PRKCB: variants seen among roughly 807,000 people sequenced by gnomAD.
PRKCB encodes protein kinase C beta type.
A neutral mutation model predicts 81.5 loss-of-function variants in PRKCB; 13 were observed. That is an observed-to-expected ratio of 0.16 (90% CI 0.10 to 0.25). The LOEUF is 0.25. Among genes scored for constraint, PRKCB ranks in the 10% least tolerant of loss-of-function variants. The pLI, the probability that PRKCB is intolerant of heterozygous loss-of-function variation, is 1.00. For synonymous variants in PRKCB, 335 were observed against 321.4 expected, an observed-to-expected ratio of 1.04 and a Z score of -0.45; for missense variants, 509 against 875.7, an observed-to-expected ratio of 0.58 and a Z score of 5.29.
At chr16:23,936,520 C>T (rs190366947) in intron 2 of PRKCB, among the ~76,000 whole-genome samples, 3 of 151,908 alleles carry the variant, frequency 2.0e-5, no homozygotes, top group Non-Finnish European at 4.4e-5. Context: ...TTGAGTGATC[C>T]TCCCACCTCA....
intron 2 of PRKCB, among the ~76,000 whole-genome samples, chr16:23,846,081 G>C (rs1962362148): frequency 6.6e-6 from 1 of 152,174 alleles, no homozygotes. Flanking sequence ...GGCTTAGGCA[G>C]TATTTTCTCT....
chr16:24,188,144 G>T (rs1053405239), intron 15 of PRKCB, among the ~76,000 whole-genome samples: 3 of 152,152 alleles, frequency 2.0e-5, no homozygotes, highest in African/African-American at 7.2e-5. Context: ...TGGTAGAGCC[G>T]TTTTCTATTA....
chr16:23,921,807 A>T (rs1359355193), intron 2 of PRKCB, among the ~76,000 whole-genome samples: 1 of 152,164 alleles, frequency 6.6e-6, no homozygotes, highest in Admixed American at 6.5e-5. Flanking sequence ...AATAAATAAA[A>T]AAAGATATGC....
intron 11 of PRKCB, chr16:24,174,291 G>T: frequency 2.0e-6 from 1 of 508,798 alleles, no homozygotes; most frequent in Admixed American, 3.3e-5. Flanking sequence ...CTATACAATT[G>T]CTGAACTTCT....
At chr16:23,837,306 T>C (rs1962180549) in intron 1 of PRKCB, 69 bp from the exon 2 acceptor site, 2 of 1,592,870 alleles carry the variant, frequency 1.3e-6, no homozygotes, top group African/African-American at 2.7e-5. Flanking sequence ...GGCGGGTGAC[T>C]CTGTGGGTAA....
chr16:23,911,825 C>CTTTTTTTTTTTTTTTTTT lies in PRKCB; in HGVS notation c.205+74419_205+74420insTTTTTTTTTTTTTTTTTT, dbSNP rs1567311221. Among the ~76,000 whole-genome samples the CTTTTTTTTTTTTTTTTTT allele has an allele frequency of 7.9e-5, 10 of 126,370 alleles. 4 individuals are homozygous for CTTTTTTTTTTTTTTTTTT. The highest frequency in any genetic ancestry group is 1.7e-4 in the Admixed American group (2 of 11,682). The allele number at this position is 126,370 out of a possible 152,430, so 82.9% of individuals were successfully genotyped here. ...CTTGTCCTGGGATATGCGCGACCCA[C>CTTTTTTTTTTTTTTTTTT]ATTTTTTTTTTTTTTTTTTTTTTTT... On this transcript the variant is annotated intron_variant, in intron 2 of 16. Transcript: ENST00000643927.
chr16:24,028,936 A>G (rs758577407), intron 3 of PRKCB, among the ~76,000 whole-genome samples: 28 of 152,064 alleles, frequency 1.8e-4, no homozygotes, highest in Non-Finnish European at 3.7e-4. Context: ...GACTACAGGC[A>G]TGTGCCACCA....
intron 2 of PRKCB, among the ~76,000 whole-genome samples, chr16:23,906,885 G>A (rs1963568385): frequency 1.3e-5 from 2 of 152,102 alleles, no homozygotes; most frequent in Admixed American, 6.6e-5. Context: ...GGATTTTAGG[G>A]GGTTTCAGCT....
At chr16:24,067,313 T>C (rs928391002) in intron 5 of PRKCB, among the ~76,000 whole-genome samples, 1 of 152,030 alleles carries the variant, frequency 6.6e-6, no homozygotes, top group Non-Finnish European at 1.5e-5. Context: ...TTTTTTAAAA[T>C]TTTTTAGACG....
At position 23,841,903 on chromosome 16, in the gene PRKCB, G is replaced by A. The variant is rs570835215; in HGVS notation, c.205+4497G>A. Among the ~76,000 whole-genome samples the A allele has an allele frequency of 3.8e-4, 58 of 152,040 alleles. 2 individuals carry two copies. Among genetic ancestry groups the A allele is most frequent in the African/African-American group, 1.3e-3 (55 of 41,464 alleles). On this transcript the variant is annotated intron_variant, in intron 2 of 16. Coordinates refer to ENST00000643927, the MANE Select transcript of PRKCB (RefSeq NM_002738.7). ...ACTCCTGACCTCAGGTGATCTGCCC[G>A]CCTTAGCTTCCCAAAGTGCTAGGAT...
intron 2 of PRKCB, among the ~76,000 whole-genome samples, chr16:23,929,718 A>G (rs980503724): frequency 2.0e-4 from 31 of 152,290 alleles, no homozygotes; most frequent in African/African-American, 7.5e-4. Flanking sequence ...TGGGCAAGAA[A>G]TGAATTGCAC....
chr16:23,837,047 T>A (rs377136477), intron 1 of PRKCB, among the ~76,000 whole-genome samples: 2 of 152,222 alleles, frequency 1.3e-5, no homozygotes, highest in African/African-American at 2.4e-5. Flanking sequence ...TGCGTCTTTA[T>A]CTCTTCTCTT....
At chr16:23,897,074 AG>A (rs1304295685) in intron 2 of PRKCB, among the ~76,000 whole-genome samples, 7 of 152,206 alleles carry the variant, frequency 4.6e-5, no homozygotes. Flanking sequence ...ACCCTGTGCC[AG>A]GTGTTGATCA....
chr16:24,179,382 G>A (rs770325021), intron 12 of PRKCB, among the ~76,000 whole-genome samples: 2 of 152,220 alleles, frequency 1.3e-5, no homozygotes, highest in Non-Finnish European at 2.9e-5. Flanking sequence ...CAGAACCACA[G>A]ATGCCCACTA....
intron 7 of PRKCB, among the ~76,000 whole-genome samples, chr16:24,096,177 C>T (rs1966436241): frequency 6.6e-6 from 1 of 152,016 alleles, no homozygotes; most frequent in Non-Finnish European, 1.5e-5. Context: ...GTGAGGATCA[C>T]TTGAACCAGG....
chr16:24,041,827 T>C (rs1300919177), intron 5 of PRKCB, among the ~76,000 whole-genome samples: 2 of 151,610 alleles, frequency 1.3e-5, no homozygotes, highest in Non-Finnish European at 2.9e-5. Flanking sequence ...CTACTAAAAA[T>C]ACAAAAATTA....
At chr16:24,120,386 T>C (rs1367534538) in intron 8 of PRKCB, among the ~76,000 whole-genome samples, 1 of 152,188 alleles carries the variant, frequency 6.6e-6, no homozygotes, top group Non-Finnish European at 1.5e-5. Context: ...GGATGCTTTG[T>C]TAGCCATGGT....
chr16:24,104,691 G>C (rs902919102), intron 7 of PRKCB, among the ~76,000 whole-genome samples: 1 of 152,142 alleles, frequency 6.6e-6, no homozygotes, highest in Non-Finnish European at 1.5e-5. Flanking sequence ...CTAGGGAGAG[G>C]TTGTCTTAGG....
At chr16:24,027,245 T>A (rs1321876718) in intron 3 of PRKCB, among the ~76,000 whole-genome samples, 4 of 152,044 alleles carry the variant, frequency 2.6e-5, no homozygotes, top group African/African-American at 9.7e-5. Flanking sequence ...ACATGCGGTG[T>A]TTGATTTTCG....
Sources: allele counts gnomAD v4.1 joint callset (sites outside exome capture counted in the v4.1 genomes callset), GRCh38; gene constraint gnomAD v4.1.1; transcripts MANE v1.5; gene names NCBI Gene and HGNC (gene_info 2026-07-23, HGNC 2026-07-21).